ARMCX4: variants seen among roughly 807,000 people sequenced by gnomAD.
ARMCX4 encodes armadillo repeat containing X-linked 4.
A neutral mutation model predicts 34.7 loss-of-function variants in ARMCX4; 3 were observed. The observed-to-expected ratio is 0.09, with a 90% CI of 0.04 to 0.22. ARMCX4 has a LOEUF of 0.22. Among genes scored for constraint, ARMCX4 ranks in the 10% least tolerant of loss-of-function variants. The pLI is 1.00. For missense variants in ARMCX4, 1,448 were observed against 1,720.8 expected, an observed-to-expected ratio of 0.84 and a Z score of 2.81; for synonymous variants, 513 against 632.8, an observed-to-expected ratio of 0.81 and a Z score of 2.84.
At position 101,489,579 on chromosome X, in the gene ARMCX4, T is replaced by G. The variant is rs1933886889; in HGVS notation, c.990T>G (p.Thr330=). ...CTCAAATTTTTGCCAAAACCCAGAC[T>G]GAGGCCATTCCTGGGGCAAAGATTG... is the stretch of plus-strand genomic sequence containing the variant. The part of the protein sequence containing the change: ...AQPQIFAKTQ[T]EAIPGAKIDA... Residue 330 remains threonine, a synonymous_variant, in exon 6 of 6, where the codon ACT becomes ACG. Transcript: ENST00000423738. The G allele has an allele frequency of 8.7e-7, 1 of 1,154,849 alleles. No individual in the cohort carries two copies.
At position 101,493,070 on chromosome X, in the gene ARMCX4, C is replaced by G; in HGVS notation, c.4481C>G (p.Ser1494Cys). The change falls in exon 6 of 6, where the codon TCT becomes TGT. Residue 1494 changes from serine to cysteine, a missense_variant. Around this residue, in one of 2 missense-constraint regions of ARMCX4, gnomAD observed 1,343 missense variants for 1,540.7 expected, o/e 0.87. Transcript: ENST00000423738. ...TCTAGGCTGGGGCTTAGGGACCAGT[C>G]TAGTGGAGATTCCTGGGCTGGCACT... ...GDSRLGLRDQ[S>C]SGDSWAGTGD... 2 of 1,154,477 alleles carry G rather than the reference C, an allele frequency of 1.7e-6. No homozygotes were observed. The highest frequency in any genetic ancestry group is 2.3e-6 in the Non-Finnish European group (2 of 871,997).
chrX:101,487,736 G>A, intron 4 of ARMCX4, 45 bp downstream of exon 4: 1 of 686,082 alleles, frequency 1.5e-6, no homozygotes, highest in Non-Finnish European at 2.0e-6. Context: ...GAGTGGGTTG[G>A]TGGAGACCAG....
intron 7 of ARMCX4, among the ~76,000 whole-genome samples, chrX:101,502,221 C>T (rs182479060): frequency 3.5e-3 from 393 of 111,364 alleles, no homozygotes; most frequent in Non-Finnish European, 5.9e-3. Flanking sequence ...TGAGTAGCCC[C>T]GGCAATGAGA....
At chrX:101,432,987 C>G (rs782398630) in intron 2 of ARMCX4, among the ~76,000 whole-genome samples, 1 of 39,583 alleles carries the variant, frequency 2.5e-5, no homozygotes, top group Non-Finnish European at 6.8e-5. Context: ...TATATACACA[C>G]ATGTATACAT....
At chrX:101,444,111 A>T (rs782785073) in exon 3 of ARMCX4, 1 of 321,441 alleles carries the variant, frequency 3.1e-6, no homozygotes, top group Admixed American at 3.3e-5. Flanking sequence ...CAGTTAGAAG[A>T]TGCAGCCCAA....
At position 101,431,482 on chromosome X, in the gene ARMCX4, C is replaced by T; in HGVS notation, n.164+12482C>T. Among the ~76,000 whole-genome samples the T allele has an allele frequency of 3.6e-5, 4 of 112,218 alleles. No homozygotes were observed. In the Middle Eastern group the frequency reaches 0.019, roughly 520 times the overall value. On this transcript the variant is annotated intron_variant and non_coding_transcript_variant, in intron 2 of 3. Coordinates refer to the ARMCX4 transcript ENST00000430461. ...CCTTCCCAGAAGTTTACAGTGTTTC[C>T]TAATTCACTGATAAGCAGTTAAAAA...
intron 8 of ARMCX4, among the ~76,000 whole-genome samples, chrX:101,508,163 G>A (rs782339704): frequency 8.9e-6 from 1 of 112,168 alleles, no homozygotes; most frequent in East Asian, 2.8e-4. Context: ...ACTCTGTAAT[G>A]TTCACACAAT....
In ARMCX4 at chrX:101,491,022, T is replaced by C. The variant is rs1214977598; in HGVS notation, c.2433T>C (p.Asn811=). The change falls in exon 6 of 6, where the codon AAT becomes AAC. Residue 811 remains asparagine (N), a synonymous_variant. Transcript: ENST00000423738. The stretch of plus-strand genomic sequence containing the variant: ...GTGCCAAGAATAAGGTCAGGGGAAA[T>C]TGGAATGCTGTGTCTAAGGCAGGGG... ...LPGAKNKVRG[N]WNAVSKAGAG... is the part of the protein sequence containing the mutation. 1.1e-5 allele frequency: 13 copies of C among 1,151,330 alleles called. No individual in the cohort carries two copies. Among genetic ancestry groups the C allele is most frequent in the African/African-American group, 1.1e-4 (6 of 54,603 alleles). 94.9% of individuals were successfully genotyped at this position (1,151,330 alleles called of 1,213,427 possible). A position where few individuals can be genotyped will look rare whatever the true frequency, so the allele number is the denominator to read the frequency against.
rs996024918 is a variant in ARMCX4, at chrX:101,511,328, T to C, written c.*1780+273T>C. On this transcript the variant is annotated intron_variant and NMD_transcript_variant, in intron 11 of 12. Transcript: ENST00000354842. ...GATTTTTTCCCCTACTCTTTTGATCTTCTATTGATACATGGAGCTTTTCCT... is the reference window on the plus strand; with the variant it reads ...GATTTTTTCCCCTACTCTTTTGATCCTCTATTGATACATGGAGCTTTTCCT... 3.6e-5 allele frequency among the ~76,000 whole-genome samples: 4 copies of C among 111,789 alleles called. No individual in the cohort carries two copies. In the South Asian group the frequency reaches 1.5e-3, roughly 42 times the overall value.
chrX:101,494,499 G>A lies in ARMCX4; in HGVS notation c.5910G>A (p.Lys1970=). The A allele has an allele frequency of 7.8e-6, 9 of 1,155,374 alleles. No homozygotes were observed. Among genetic ancestry groups the A allele is most frequent in the Non-Finnish European group, 1.0e-5 (9 of 872,684 alleles). The stretch of plus-strand genomic sequence containing the variant: ...CTGCACCTAAGGCTAAAGCCAAAAA[G>A]TCATCTGAGTCAAGAGGCATATATC... ...DKSAPKAKAK[K]SSESRGIYPY... is the part of the protein sequence containing the mutation. Residue 1970 remains lysine, a synonymous_variant, in exon 6 of 6, where the codon AAG becomes AAA. Coordinates refer to ENST00000423738, the MANE Select transcript of ARMCX4 (RefSeq NM_001256155.3).
chrX:101,498,793 C>A (rs782787316), downstream of ARMCX4: 1 of 111,788 alleles, frequency 8.9e-6, no homozygotes, highest in Non-Finnish European at 1.9e-5. Flanking sequence ...TGGGGGACAT[C>A]TGGATTGATG....
At chrX:101,530,608 A>G (rs1332782913) in intron 11 of ARMCX4, among the ~76,000 whole-genome samples, 1 of 112,574 alleles carries the variant, frequency 8.9e-6, no homozygotes, top group Non-Finnish European at 1.9e-5. Context: ...TGATTTTCTT[A>G]TCACAATGAA....
At chrX:101,447,998 A>G (rs1415116855), downstream of ARMCX4, 1 of 111,477 alleles carries the variant, frequency 9.0e-6, no homozygotes, top group African/African-American at 3.3e-5. Flanking sequence ...ACCACACACT[A>G]TCCTTCCCAG....
Position 101,493,063 on chromosome X carries a change from G to C in ARMCX4, c.4474G>C (p.Asp1492His). 8.7e-7 allele frequency: 1 copy of C among 1,154,507 alleles called. No homozygotes were observed. Among genetic ancestry groups the C allele is most frequent in the Non-Finnish European group, 1.1e-6 (1 of 871,612 alleles). The change falls in exon 6 of 6, where the codon GAC becomes CAC. Residue 1492 changes from aspartate (D) to histidine (H), a missense_variant. Physicochemically the swap from Asp to His is moderately conservative, Grantham distance 81. Around this residue, in one of 2 missense-constraint regions of ARMCX4, gnomAD observed 1,343 missense variants for 1,540.7 expected, o/e 0.87. Transcript: ENST00000423738. The part of the protein sequence containing the change: ...VVGDSRLGLR[D>H]QSSGDSWAGT... ...TGGAGATTCTAGGCTGGGGCTTAGG[G>C]ACCAGTCTAGTGGAGATTCCTGGGC...
intron 4 of ARMCX4, among the ~76,000 whole-genome samples, chrX:101,466,972 T>C (rs1177500843): frequency 8.9e-6 from 1 of 112,639 alleles, no homozygotes; most frequent in Non-Finnish European, 1.9e-5. Context: ...GGCATCTTCC[T>C]AGAGGAATCT....
chrX:101,470,534 G>T (rs1473372460), intron 4 of ARMCX4, among the ~76,000 whole-genome samples: 1 of 110,970 alleles, frequency 9.0e-6, no homozygotes, highest in Non-Finnish European at 1.9e-5. Flanking sequence ...GGCCAGGCTG[G>T]TCTCAAACTC....
chrX:101,525,847 T>C (rs782028643), intron 11 of ARMCX4, among the ~76,000 whole-genome samples: 1 of 111,800 alleles, frequency 8.9e-6, no homozygotes, highest in Non-Finnish European at 1.9e-5. Context: ...TATGGGACTA[T>C]GTGAAAAGAC....
At chrX:101,423,808 G>A (rs1321677533) in intron 2 of ARMCX4, among the ~76,000 whole-genome samples, 5 of 110,609 alleles carry the variant, frequency 4.5e-5, no homozygotes, top group South Asian at 3.9e-4. Flanking sequence ...TTGACTAGCA[G>A]TGGCCAATGA....
chrX:101,469,567 T>C (rs1932854020), intron 4 of ARMCX4, among the ~76,000 whole-genome samples: 1 of 112,295 alleles, frequency 8.9e-6, no homozygotes, highest in Non-Finnish European at 1.9e-5. Context: ...AATTAAGGTA[T>C]ATTGAAGTAT....
Sources: gnomAD v4.1 joint callset for allele counts (sites outside exome capture counted in the v4.1 genomes callset) on GRCh38, gnomAD v4.1.1 for gene constraint, gnomAD v4.1.1 regional missense constraint, MANE v1.5 for transcripts, NCBI Gene and HGNC (gene_info 2026-07-23, HGNC 2026-07-21) for gene names.